The following PAGE2B variants were observed in gnomAD, a reference collection of about 807,000 sequenced individuals.
PAGE2B encodes PAGE family member 2B.
Under a neutral mutation model 7.6 loss-of-function variants are expected in PAGE2B, and 5 were observed. The observed-to-expected ratio is 0.66, with a 90% CI of 0.34 to 1.38. The LOEUF is 1.38. Among genes scored for constraint, PAGE2B ranks in the 40% most tolerant of loss-of-function variants. The probability of loss-of-function intolerance (pLI) is 0.04; values close to 1 mark genes in which losing one functional copy is unlikely to be tolerated. For synonymous variants in PAGE2B, 29 were observed against 26.7 expected, an observed-to-expected ratio of 1.09 and a Z score of -0.27; for missense variants, 70 against 78.4, an observed-to-expected ratio of 0.89 and a Z score of 0.41.
At chrX:55,073,069 A>C (rs187121159), upstream of PAGE2B, among the ~76,000 whole-genome samples, 8 of 111,222 alleles carry the variant, frequency 7.2e-5, no homozygotes, top group East Asian at 2.3e-3. Flanking sequence ...TTTCCAGGAG[A>C]GTGAACAGTT....
upstream of PAGE2B, among the ~76,000 whole-genome samples, chrX:55,071,152 TTTTG>T (rs958096529): frequency 9.0e-6 from 1 of 111,593 alleles, no homozygotes; most frequent in South Asian, 3.7e-4. Context: ...GATTAGTTTT[TTTTG>T]TTTGTTTGTT....
chrX:55,055,539 C>T, the PAGE2B span: 1 of 112,653 alleles, frequency 8.9e-6, no homozygotes, highest in Non-Finnish European at 1.9e-5. Context: ...CTGCTTTTAT[C>T]TCTTCTTTGC....
At chrX:55,056,066 G>T in the PAGE2B span, among the ~76,000 whole-genome samples, 170 of 111,730 alleles carry the variant, frequency 1.5e-3, no homozygotes, top group Non-Finnish European at 2.4e-3. Context: ...AGAGAGAGCA[G>T]GTGTGGATGA....
chrX:55,075,234 G>C (rs1241231891), intron 1 of PAGE2B, 120 bp downstream of exon 1: 3 of 140,061 alleles, frequency 2.1e-5, no homozygotes, highest in South Asian at 1.5e-4. Context: ...AGGGCCTCGC[G>C]GTCGTCGTCC....
chrX:55,041,078 C>CTTTT, the PAGE2B span, among the ~76,000 whole-genome samples: 17 of 82,115 alleles, frequency 2.1e-4, no homozygotes, highest in East Asian at 3.8e-4. Context: ...TTCAATAATT[C>CTTTT]TTTTTTTTTT....
At chrX:55,035,967 T>C in the PAGE2B span, among the ~76,000 whole-genome samples, 3 of 111,740 alleles carry the variant, frequency 2.7e-5, no homozygotes, top group African/African-American at 9.8e-5. Context: ...TTATCCTCTT[T>C]TATTTCCTTG....
chrX:55,076,006 T>C, intron 1 of PAGE2B, 28 bp from the exon 2 acceptor site: 2 of 1,169,847 alleles, frequency 1.7e-6, no homozygotes, highest in South Asian at 3.7e-5. Context: ...TTATACACTT[T>C]TTCCAAATAA....
chrX:55,075,608 C>T (rs192712878), intron 1 of PAGE2B, among the ~76,000 whole-genome samples: 1 of 111,059 alleles, frequency 9.0e-6, no homozygotes, highest in East Asian at 2.8e-4. Flanking sequence ...CCGCCATGGA[C>T]GCCATGGAAG....
the PAGE2B span, among the ~76,000 whole-genome samples, chrX:55,032,515 C>T: frequency 9.0e-6 from 1 of 110,876 alleles, no homozygotes; most frequent in Admixed American, 9.6e-5. Context: ...AAAGCATGCA[C>T]TCTGGAGTCA....
Position 55,076,025 on chromosome X carries a change from T to C in PAGE2B, c.-8-9T>C. On this transcript the variant is annotated splice_polypyrimidine_tract_variant and intron_variant, in intron 1 of 4. Coordinates refer to ENST00000374971, the MANE Select transcript of PAGE2B (RefSeq NM_001015038.3). The stretch of plus-strand genomic sequence containing the variant: ...ACACTTTTTCCAAATAACAGTATTC[T>C]ATTTTCAGTGGGAAATATGAGTGAG... 3.3e-6 allele frequency: 4 copies of C among 1,198,705 alleles called. No homozygotes were observed. Among genetic ancestry groups the C allele is most frequent in the Non-Finnish European group, 4.5e-6 (4 of 885,157 alleles).
the PAGE2B span, among the ~76,000 whole-genome samples, chrX:55,032,552 A>G: frequency 1.1e-4 from 12 of 111,363 alleles, no homozygotes; most frequent in East Asian, 3.4e-3. Flanking sequence ...CAAGTCACCA[A>G]CACCTTAGCT....
chrX:55,038,755 T>C, the PAGE2B span, among the ~76,000 whole-genome samples: 11 of 111,918 alleles, frequency 9.8e-5, no homozygotes, highest in African/African-American at 3.6e-4. Flanking sequence ...TTAATATTCT[T>C]ATATTTAGTA....
chrX:55,065,195 C>T, the PAGE2B span, among the ~76,000 whole-genome samples: 1 of 111,383 alleles, frequency 9.0e-6, no homozygotes, highest in Non-Finnish European at 1.9e-5. Context: ...CTTTCTTTAG[C>T]GCTAACAATA....
chrX:55,076,422 A>G, intron 2 of PAGE2B, 147 bp from the exon 3 acceptor site: 2 of 558,816 alleles, frequency 3.6e-6, no homozygotes, highest in Middle Eastern at 5.6e-4. Context: ...GTATATACGT[A>G]TGTATGTATA....
chrX:55,060,767 A>G, the PAGE2B span, among the ~76,000 whole-genome samples: 1 of 110,970 alleles, frequency 9.0e-6, no homozygotes, highest in African/African-American at 3.3e-5. Flanking sequence ...TATTTAAGTC[A>G]TTAATCCATT....
chrX:55,044,610 A>AT, the PAGE2B span: 1 of 111,322 alleles, frequency 9.0e-6, no homozygotes, highest in African/African-American at 3.3e-5. Context: ...TTAAAATAAA[A>AT]AAAAAAAGTT....
At chrX:55,030,835 A>G in the PAGE2B span, 2 of 193,479 alleles carry the variant, frequency 1.0e-5, no homozygotes, top group Admixed American at 1.3e-4. Context: ...TAAGAAACAA[A>G]CAAAGGAAAA....
At chrX:55,040,881 C>T in the PAGE2B span, among the ~76,000 whole-genome samples, 1 of 110,971 alleles carries the variant, frequency 9.0e-6, no homozygotes, top group Admixed American at 9.6e-5. Context: ...TGCTTGCGTT[C>T]TTCCCCCAAA....
chrX:55,049,182 T>C, the PAGE2B span, among the ~76,000 whole-genome samples: 7 of 111,324 alleles, frequency 6.3e-5, no homozygotes, highest in Admixed American at 2.9e-4. Context: ...GATAAGCTTT[T>C]TGATGTGCTG....
Sources: gnomAD v4.1 joint callset for allele counts (sites outside exome capture counted in the v4.1 genomes callset) on GRCh38, gnomAD v4.1.1 for gene constraint, MANE v1.5 for transcripts, NCBI Gene and HGNC (gene_info 2026-07-23, HGNC 2026-07-21) for gene names.